The following ANO4 variants were observed in gnomAD, a reference collection of about 807,000 sequenced individuals.
The protein encoded by ANO4 is anoctamin 4.
ANO4 carries 69 observed loss-of-function variants against 141.9 expected under a neutral mutation model. The ratio of observed to expected loss-of-function variants is 0.49; its 90% CI spans 0.40 to 0.59. The LOEUF is 0.59. Ranked by LOEUF, ANO4 falls within the 20% of genes least tolerant of loss-of-function variation. ANO4 has a pLI of 0.00. For missense variants in ANO4, 894 were observed against 1,162.2 expected, an observed-to-expected ratio of 0.77 and a Z score of 3.36; for synonymous variants, 350 against 394.3, an observed-to-expected ratio of 0.89 and a Z score of 1.33.
intron 3 of ANO4, among the ~76,000 whole-genome samples, chr12:100,776,915 C>T (rs2135567550): frequency 6.6e-6 from 1 of 152,244 alleles, no homozygotes; most frequent in East Asian, 1.9e-4. Context: ...GTGGTATTTA[C>T]AGTGACTCTT....
At chr12:101,038,631 A>G (rs2047291981) in intron 10 of ANO4, 1 of 152,244 alleles carries the variant, frequency 6.6e-6, no homozygotes, top group African/African-American at 2.4e-5. Context: ...AAAAAGGCAG[A>G]AGGTCAGATA....
intron 1 of ANO4, among the ~76,000 whole-genome samples, chr12:100,829,415 A>G (rs182550090): frequency 9.5e-4 from 145 of 152,182 alleles, no homozygotes; most frequent in African/African-American, 3.3e-3. Context: ...TAGTTGCTCT[A>G]TAGAAGTTAA....
chr12:100,727,679 C>T (rs1330336641), intron 1 of ANO4, among the ~76,000 whole-genome samples: 1 of 152,078 alleles, frequency 6.6e-6, no homozygotes, highest in Non-Finnish European at 1.5e-5. Context: ...GTTATTACTA[C>T]TATATTTGAA....
At chr12:100,927,084 C>A (rs774956099) in intron 3 of ANO4, among the ~76,000 whole-genome samples, 1 of 152,052 alleles carries the variant, frequency 6.6e-6, no homozygotes, top group African/African-American at 2.4e-5. Flanking sequence ...ATTGAGTGAA[C>A]GTGTGGAATC....
intron 4 of ANO4, among the ~76,000 whole-genome samples, chr12:100,940,963 C>A (rs1049746762): frequency 1.3e-5 from 2 of 151,878 alleles, no homozygotes; most frequent in African/African-American, 4.8e-5. Flanking sequence ...ATGTAAGTTA[C>A]AAAGTATGAT....
Position 101,126,387 on chromosome 12 carries a change from A to G in ANO4, c.2677-492A>G, listed in dbSNP as rs866577974. 7.9e-5 allele frequency among the ~76,000 whole-genome samples: 12 copies of G among 152,288 alleles called. 1 individual carries two copies. The South Asian group carries it at 1.4e-3, about 18-fold the overall frequency. On this transcript the variant is annotated intron_variant, in intron 26 of 27. Coordinates refer to ENST00000392977, the MANE Select transcript of ANO4 (RefSeq NM_001286615.2). ...AAAAAGAAAAAAGCTTCTTCCTGAA[A>G]TGATCATTTCCCTAGGCCCACTGAT...
intron 3 of ANO4, among the ~76,000 whole-genome samples, chr12:100,789,501 G>A (rs979111057): frequency 6.6e-6 from 1 of 152,174 alleles, no homozygotes; most frequent in Non-Finnish European, 1.5e-5. Flanking sequence ...ACTACCATAT[G>A]CTTTTATAGT....
chr12:100,945,613 A>G (rs2042688831), intron 5 of ANO4, among the ~76,000 whole-genome samples: 1 of 152,068 alleles, frequency 6.6e-6, no homozygotes, highest in African/African-American at 2.4e-5. Flanking sequence ...ACCTATTTTG[A>G]AATCATTGTC....
At position 101,126,903 on chromosome 12, in the gene ANO4, C is replaced by G. The variant is rs1275996559; in HGVS notation, c.2701C>G (p.Leu901Val). ...GCACCTCGTGTTTTGTATAAAGCACCTCATTTCATATCTGATCCCAGACCT... is the reference window on the plus strand; with the variant it reads ...GCACCTCGTGTTTTGTATAAAGCACGTCATTTCATATCTGATCCCAGACCT... ...FEHLVFCIKH[L>V]ISYLIPDLPK... Residue 901 changes from leucine to valine, a missense_variant, in exon 27 of 28, where the codon CTC (leucine) becomes GTC (valine). This residue lies in a region of ANO4 where 637 missense variants were observed against 909.2 expected (regional missense o/e 0.70). Transcript: ENST00000392977. 2.5e-6 allele frequency: 4 copies of G among 1,613,968 alleles called. No homozygotes were observed. Among genetic ancestry groups the G allele is most frequent in the Non-Finnish European group, 3.4e-6 (4 of 1,180,008 alleles).
At chr12:101,048,162 C>A in intron 13 of ANO4, 179 bp from the exon 14 acceptor site, 1 of 1,011,686 alleles carries the variant, frequency 9.9e-7, no homozygotes, top group Non-Finnish European at 1.4e-6. Context: ...ATATGAACTA[C>A]CTTGCAATTA....
intron 1 of ANO4, among the ~76,000 whole-genome samples, chr12:100,883,666 G>A (rs115024663): frequency 0.017 from 2,652 of 152,238 alleles, 77 homozygotes; most frequent in African/African-American, 0.06. Context: ...CTGGCAAAAT[G>A]TGATAGTGTA....
chr12:100,878,308 T>G (rs898227270), intron 1 of ANO4, among the ~76,000 whole-genome samples: 2 of 152,322 alleles, frequency 1.3e-5, no homozygotes, highest in African/African-American at 4.8e-5. Context: ...CTAAGAATTA[T>G]AGTCCAGGGA....
intron 1 of ANO4, chr12:100,852,470 C>T (rs2037928545): frequency 6.6e-6 from 1 of 152,214 alleles, no homozygotes. Flanking sequence ...GGCTATCATC[C>T]TCATGTTGAC....
chr12:100,765,449 A>G (rs886149523), intron 3 of ANO4, among the ~76,000 whole-genome samples: 1 of 144,430 alleles, frequency 6.9e-6, no homozygotes, highest in African/African-American at 2.6e-5. Flanking sequence ...CATGATCAGT[A>G]GCTCATGCAG....
intron 1 of ANO4, among the ~76,000 whole-genome samples, chr12:100,850,862 T>C (rs1000350318): frequency 2.0e-5 from 3 of 152,298 alleles, no homozygotes; most frequent in Admixed American, 2.0e-4. Context: ...TCCTGAATTT[T>C]CAACTATATG....
intron 3 of ANO4, among the ~76,000 whole-genome samples, chr12:100,789,133 G>A (rs1162886500): frequency 6.6e-6 from 1 of 152,090 alleles, no homozygotes; most frequent in Non-Finnish European, 1.5e-5. Context: ...AAATATAATG[G>A]ATGTATGCAT....
chr12:100,791,626 G>T (rs1010016844), upstream of ANO4, among the ~76,000 whole-genome samples: 1 of 152,200 alleles, frequency 6.6e-6, no homozygotes, highest in African/African-American at 2.4e-5. Context: ...GTAACATGGT[G>T]GGAAGGGTCC....
chr12:100,877,795 C>G (rs2039389010), intron 1 of ANO4, among the ~76,000 whole-genome samples: 1 of 152,030 alleles, frequency 6.6e-6, no homozygotes, highest in Non-Finnish European at 1.5e-5. Flanking sequence ...TGTTATGGCT[C>G]TTATTTTACA....
chr12:100,883,674 G>A (rs1377301962), intron 1 of ANO4, among the ~76,000 whole-genome samples: 1 of 152,084 alleles, frequency 6.6e-6, no homozygotes, highest in African/African-American at 2.4e-5. Context: ...ATGTGATAGT[G>A]TAGGCTTACA....
Sources: allele counts gnomAD v4.1 joint callset (sites outside exome capture counted in the v4.1 genomes callset), GRCh38; gene constraint gnomAD v4.1.1; regional missense constraint gnomAD v4.1.1; transcripts MANE v1.5; gene names NCBI Gene and HGNC (gene_info 2026-07-23, HGNC 2026-07-21).